ZNF835: variants seen among roughly 807,000 people sequenced by gnomAD.
ZNF835 encodes the protein zinc finger protein 835.
For missense variants in ZNF835, 783 were observed against 758.4 expected (o/e 1.03, Z -0.38); for synonymous variants, 323 against 324.7 (o/e 0.99, Z 0.06).
In ZNF835 at chr19:56,664,000, C is replaced by G. The variant is rs940027517; in HGVS notation, c.1199G>C (p.Ser400Thr). The change falls in exon 2 of 2, where the codon AGC becomes ACC. Residue 400 changes from serine (S) to threonine (T), a missense_variant. Transcript: ENST00000537055. ...GTGCTCTATAAGCGAGGACACGTGG[C>G]TGAAGGCGGCCCCGCATTGCAGGCA... Reference protein sequence around the residue: ...YRCLQCGAAFSHVSSLIEHQK... With the variant: ...YRCLQCGAAFTHVSSLIEHQK... The G allele has an allele frequency of 5.0e-6, 8 of 1,612,462 alleles. No homozygotes were observed. Among genetic ancestry groups the G allele is most frequent in the Non-Finnish European group, 6.8e-6 (8 of 1,179,356 alleles).
rs1412655055 is a variant in ZNF835 at position 56,663,800 on chromosome 19, C to T, written c.1399G>A (p.Val467Met). ...NRSYLIQHHI[V>M]HTGEKPYECS... is the part of the protein sequence containing the mutation. ...TCGTAGGGCTTCTCCCCGGTGTGCA[C>T]GATGTGGTGCTGGATCAGGTAGGAG... The change falls in exon 2 of 2, where the codon GTG (valine) becomes ATG (methionine). Residue 467 changes from valine to methionine, a missense_variant. Val to Met is a conservative substitution (Grantham distance 21, BLOSUM62 1). Transcript: ENST00000537055. 1.9e-6 allele frequency: 3 copies of T among 1,613,526 alleles called. No homozygotes were observed. The highest frequency in any genetic ancestry group is 2.7e-5 in the African/African-American group (2 of 74,850).
chr19:56,668,364 C>CTTT (rs10604506), intron 1 of ZNF835, among the ~76,000 whole-genome samples: 5 of 117,038 alleles, frequency 4.3e-5, no homozygotes, highest in Admixed American at 1.9e-4. Flanking sequence ...TAAAATAGGG[C>CTTT]TTTTTTTTTT....
chr19:56,664,158 C>T lies in ZNF835; in HGVS notation c.1041G>A (p.Ser347=), dbSNP rs1459774437. The change falls in exon 2 of 2, where the codon TCG becomes TCA. Residue 347 remains serine, a synonymous_variant. Coordinates refer to ENST00000537055, the MANE Select transcript of ZNF835 (RefSeq NM_001005850.3). Reference sequence around the variant, plus strand: ...GCGTGCGCTGGTGCTGCGTCAGGTGCGACACCTGGGTGAAGGCCTTGGCGC... The same window carrying T: ...GCGTGCGCTGGTGCTGCGTCAGGTGTGACACCTGGGTGAAGGCCTTGGCGC... The part of the protein sequence containing the change: ...GQCAKAFTQV[S]HLTQHQRTHT... 1.2e-6 allele frequency: 2 copies of T among 1,608,858 alleles called. No homozygotes were observed. Among genetic ancestry groups the T allele is most frequent in the Non-Finnish European group, 1.7e-6 (2 of 1,177,762 alleles).
In ZNF835 at chr19:56,663,802, A is replaced by T. The variant is rs1170924380; in HGVS notation, c.1397T>A (p.Ile466Asn). ...GTAGGGCTTCTCCCCGGTGTGCACG[A>T]TGTGGTGCTGGATCAGGTAGGAGCG... ...SNRSYLIQHH[I>N]VHTGEKPYEC... Residue 466 changes from isoleucine (I) to asparagine (N), a missense_variant, in exon 2 of 2, where the codon ATC (isoleucine) becomes AAC (asparagine). Physicochemically the swap from Ile to Asn is moderately radical, Grantham distance 149. Coordinates refer to ENST00000537055, the MANE Select transcript of ZNF835 (RefSeq NM_001005850.3). The T allele has an allele frequency of 6.2e-7, 1 of 1,613,088 alleles. No homozygotes were observed. The highest frequency in any genetic ancestry group is 8.5e-7 in the Non-Finnish European group (1 of 1,179,612).
chr19:56,665,138 C>G lies in ZNF835; in HGVS notation c.61G>C (p.Glu21Gln), dbSNP rs200247038. Residue 21 changes from glutamate to glutamine, a missense_variant, in exon 2 of 2, where the codon GAG (glutamate) becomes CAG (glutamine). Transcript: ENST00000537055. ...GAELEGNWKH[E>Q]GQVEDLQENQ... ...TCCTGCAGGTCCTCAACCTGGCCCT[C>G]GTGTTTCCAGTTTCCTTCCAACTCT... 1 of 1,613,944 alleles carries G rather than the reference C, an allele frequency of 6.2e-7. No homozygotes were observed. The highest frequency in any genetic ancestry group is 8.5e-7 in the Non-Finnish European group (1 of 1,179,908).
intron 1 of ZNF835, among the ~76,000 whole-genome samples, chr19:56,669,523 G>T: frequency 9.4e-6 from 1 of 105,998 alleles, no homozygotes; most frequent in Non-Finnish European, 1.9e-5. Context: ...TCCTCCATTA[G>T]CATAAATGTA....
At position 56,664,423 on chromosome 19, in the gene ZNF835, A is replaced by G. The variant is rs749196957; in HGVS notation, c.776T>C (p.Phe259Ser). 3.1e-6 allele frequency: 5 copies of G among 1,612,428 alleles called. 1 individual carries two copies. The Admixed American group carries it at 6.7e-5, about 22-fold the overall frequency. Residue 259 changes from phenylalanine to serine, a missense_variant, in exon 2 of 2, where the codon TTC (phenylalanine) becomes TCC (serine). Transcript: ENST00000537055. ...PYECSACAKA[F>S]RFSSALIRHQ... ...GCGGATGAGCGCTGAGGAGAAGCGG[A>G]AGGCCTTGGCGCACGCGGAGCACTC...
At chr19:56,665,304 A>C in intron 1 of ZNF835, 59 bp from the exon 2 acceptor site, 1 of 1,462,158 alleles carries the variant, frequency 6.8e-7, no homozygotes, top group South Asian at 1.2e-5. Context: ...GAGCTGGAAA[A>C]ATGGCTAACA....
At position 56,663,716 on chromosome 19, in the gene ZNF835, T is replaced by A. The variant is rs1253894720; in HGVS notation, c.1483A>T (p.Thr495Ser). 1 of 1,613,986 alleles carries A rather than the reference T, an allele frequency of 6.2e-7. No homozygotes were observed. The change falls in exon 2 of 2, where the codon ACG becomes TCG. Residue 495 changes from threonine (T) to serine (S), a missense_variant. By Grantham distance (58) the Thr-to-Ser change is moderately conservative (BLOSUM62 1). Coordinates refer to ENST00000537055, the MANE Select transcript of ZNF835 (RefSeq NM_001005850.3). ...AGGCGTCCCGAACTGTCTGCATGCGTCCTCTGGTGTCGGATGAGCGCGGAG... is the reference window on the plus strand; with the variant it reads ...AGGCGTCCCGAACTGTCTGCATGCGACCTCTGGTGTCGGATGAGCGCGGAG... Reference protein sequence around the residue: ...FSSALIRHQRTHADSSGRLCP... With the variant: ...FSSALIRHQRSHADSSGRLCP...
chr19:56,664,822 A>T lies in ZNF835; in HGVS notation c.377T>A (p.Ile126Asn), dbSNP rs2045229895. 1 of 1,611,154 alleles carries T rather than the reference A, an allele frequency of 6.2e-7. No homozygotes were observed. The highest frequency in any genetic ancestry group is 1.3e-5 in the African/African-American group (1 of 74,800). ...CCCGGTGTGGATTCTCTGGTGTAAG[A>T]TGAACGCTGAACAGTAGCTGAAGGC... ...GKAFSYCSAFILHQRIHTGEK... is the reference protein window; with the variant it reads ...GKAFSYCSAFNLHQRIHTGEK... The change falls in exon 2 of 2, where the codon ATC (isoleucine) becomes AAC (asparagine). Residue 126 changes from isoleucine (I) to asparagine (N), a missense_variant. Transcript: ENST00000537055.
rs1201593909 is a variant in ZNF835 at position 56,662,025 on chromosome 19, A to G, written c.*1560T>C. The stretch of plus-strand genomic sequence containing the variant: ...TTTAATTCAACATTGTAGTAGGTGG[A>G]TTACGTTCATAACTCCTACTTTTCA... On this transcript the variant is annotated 3_prime_UTR_variant, in exon 2 of 2. Transcript: ENST00000537055. 1 of 152,104 alleles carries G rather than the reference A, an allele frequency of 6.6e-6. No individual in the cohort carries two copies. The highest frequency in any genetic ancestry group is 1.5e-5 in the Non-Finnish European group (1 of 68,038). 9.4% of individuals were successfully genotyped at this position (152,104 alleles called of 1,614,324 possible). A position where few individuals can be genotyped will look rare whatever the true frequency, so the allele number is the denominator to read the frequency against.
chr19:56,665,679 C>T (rs62130946), intron 1 of ZNF835, among the ~76,000 whole-genome samples: 39,951 of 151,964 alleles, frequency 0.26, 5,614 homozygotes, highest in East Asian at 0.48. Context: ...GTTGTGCACC[C>T]GTGGTCCCAG....
At chr19:56,665,358 G>T (rs2045236788) in intron 1 of ZNF835, 113 bp from the exon 2 acceptor site, 7 of 977,754 alleles carry the variant, frequency 7.2e-6, no homozygotes, top group Non-Finnish European at 1.1e-5. Context: ...GGACCTCTGT[G>T]CCAATGACAT....
chr19:56,663,602 C>G lies in ZNF835; in HGVS notation c.1597G>C (p.Gly533Arg). ...QQGCPGRNPR[G>R]PAED ...CTCAGCTCTTAATCTTCTGCTGGTC[C>G]ACGCGGGTTTCTGCCAGGGCACCCC... The change falls in exon 2 of 2, where the codon GGA (glycine) becomes CGA (arginine). Residue 533 changes from glycine to arginine, a missense_variant. Transcript: ENST00000537055. 1.2e-6 allele frequency: 2 copies of G among 1,614,022 alleles called. No homozygotes were observed. Among genetic ancestry groups the G allele is most frequent in the South Asian group, 2.2e-5 (2 of 91,088 alleles).
Position 56,664,937 on chromosome 19 carries a change from C to G in ZNF835, c.262G>C (p.Glu88Gln), listed in dbSNP as rs759212925. The change falls in exon 2 of 2, where the codon GAG becomes CAG. Residue 88 changes from glutamate (E) to glutamine (Q), a missense_variant. Transcript: ENST00000537055. ...SSSRRCSAPG[E>Q]SPKERHPDSR... ...TCAGGATGCCTCTCCTTCGGGCTCTCCCCAGGCGCGCTGCACCTCCGGGAA... is the reference window on the plus strand; with the variant it reads ...TCAGGATGCCTCTCCTTCGGGCTCTGCCCAGGCGCGCTGCACCTCCGGGAA... 1.2e-5 allele frequency: 20 copies of G among 1,613,448 alleles called. No individual in the cohort carries two copies. Among genetic ancestry groups the G allele is most frequent in the Non-Finnish European group, 1.7e-5 (20 of 1,179,398 alleles).
intron 1 of ZNF835, among the ~76,000 whole-genome samples, chr19:56,666,280 T>C (rs980242607): frequency 1.3e-5 from 2 of 152,168 alleles, no homozygotes; most frequent in African/African-American, 4.8e-5. Flanking sequence ...CTAATTTTTG[T>C]ATTTTTAGTA....
chr19:56,663,637 G>A lies in ZNF835; in HGVS notation c.1562C>T (p.Thr521Ile). Residue 521 changes from threonine to isoleucine, a missense_variant, in exon 2 of 2, where the codon ACC (threonine) becomes ATC (isoleucine). Thr to Ile is a moderately conservative substitution (Grantham distance 89, BLOSUM62 -1). Transcript: ENST00000537055. ...TCTGCCAGGGCACCCCTGTTGACAGGTTTCTCCTCCCTGTGAGAGCCCAGG... is the reference window on the plus strand; with the variant it reads ...TCTGCCAGGGCACCCCTGTTGACAGATTTCTCCTCCCTGTGAGAGCCCAGG... ...STPGLSQGGETCQQGCPGRNP... is the reference protein window; with the variant it reads ...STPGLSQGGEICQQGCPGRNP... 1.2e-6 allele frequency: 2 copies of A among 1,614,050 alleles called. No homozygotes were observed. The highest frequency in any genetic ancestry group is 1.1e-5 in the South Asian group (1 of 91,092).
rs991707503 is a variant in ZNF835 at position 56,662,521 on chromosome 19, G to A, written c.*1064C>T. The A allele has an allele frequency of 6.6e-6, 1 of 152,198 alleles. No individual in the cohort carries two copies. Among genetic ancestry groups the A allele is most frequent in the East Asian group, 1.9e-4 (1 of 5,202 alleles). 9.4% of individuals were successfully genotyped at this position (152,198 alleles called of 1,614,324 possible). Reference sequence around the variant, plus strand: ...TCTAAAAATCTTTTGTAGAGGAGAAGCACTCCCTTCTTCTAGAATAACTTT... The same window carrying A: ...TCTAAAAATCTTTTGTAGAGGAGAAACACTCCCTTCTTCTAGAATAACTTT... On this transcript the variant is annotated 3_prime_UTR_variant, in exon 2 of 2. Transcript: ENST00000537055.
In ZNF835 at chr19:56,664,211, C is replaced by T. The variant is rs2045217803; in HGVS notation, c.988G>A (p.Gly330Ser). The change falls in exon 2 of 2, where the codon GGC becomes AGC. Residue 330 changes from glycine to serine, a missense_variant. Coordinates refer to ENST00000537055, the MANE Select transcript of ZNF835 (RefSeq NM_001005850.3). ...SLAEHRRIHTGEKPYACGQCA... is the reference protein window; with the variant it reads ...SLAEHRRIHTSEKPYACGQCA... ...TGGCCGCACGCGTAGGGCTTCTCGC[C>T]TGTGTGGATGCGCCGGTGCTCGGCC... 6.2e-7 allele frequency: 1 copy of T among 1,605,698 alleles called. No homozygotes were observed. Among genetic ancestry groups the T allele is most frequent in the Non-Finnish European group, 8.5e-7 (1 of 1,175,538 alleles).
Sources: gnomAD v4.1 joint callset for allele counts (sites outside exome capture counted in the v4.1 genomes callset) on GRCh38, gnomAD v4.1.1 for gene constraint, MANE v1.5 for transcripts, NCBI Gene and HGNC (gene_info 2026-07-23, HGNC 2026-07-21) for gene names.